Variants in IGF2BP2 observed in about 807,000 individuals in gnomAD.
IGF2BP2 encodes insulin-like growth factor 2 mRNA-binding protein 2.
A neutral mutation model predicts 75.8 loss-of-function variants in IGF2BP2; 17 were observed. The observed-to-expected ratio is 0.22, with a 90% CI of 0.15 to 0.34. The LOEUF is 0.34. Ranked by LOEUF, IGF2BP2 falls within the 10% of genes least tolerant of loss-of-function variation. The pLI is 1.00. For missense variants in IGF2BP2, 516 were observed against 772.4 expected (o/e 0.67, Z 3.93); for synonymous variants, 288 against 295.6 (o/e 0.97, Z 0.26).
At chr3:185,815,836 G>C (rs1225725040) in intron 2 of IGF2BP2, among the ~76,000 whole-genome samples, 4 of 152,086 alleles carry the variant, frequency 2.6e-5, no homozygotes, top group Non-Finnish European at 4.4e-5. Context: ...TTACAGTTGA[G>C]GGGAAATGAA....
chr3:185,691,132 C>T (rs1468179359), intron 5 of IGF2BP2, among the ~76,000 whole-genome samples: 3 of 152,094 alleles, frequency 2.0e-5, no homozygotes, highest in Non-Finnish European at 2.9e-5. Context: ...GAGTTTCGCC[C>T]TTATTGACCA....
intron 2 of IGF2BP2, among the ~76,000 whole-genome samples, chr3:185,814,479 C>T (rs993316252): frequency 1.3e-5 from 2 of 152,136 alleles, no homozygotes; most frequent in African/African-American, 2.4e-5. Flanking sequence ...AAAACACCCT[C>T]TATTTAATGA....
At chr3:185,821,632 T>TAGTAATTTTTTTTTTTACTA (rs1333373301) in intron 2 of IGF2BP2, among the ~76,000 whole-genome samples, 1 of 151,604 alleles carries the variant, frequency 6.6e-6, no homozygotes, top group Non-Finnish European at 1.5e-5. Context: ...GATAAAATTC[T>TAGTAATTTTTTTTTTTACTA]AGTAATTTTT....
At chr3:185,729,453 A>C (rs1727838738) in intron 2 of IGF2BP2, among the ~76,000 whole-genome samples, 2 of 152,204 alleles carry the variant, frequency 1.3e-5, no homozygotes, top group African/African-American at 4.8e-5. Context: ...AGAATTTTGG[A>C]ATACTTTTAT....
At chr3:185,755,344 C>T (rs6784050) in intron 2 of IGF2BP2, among the ~76,000 whole-genome samples, 40,439 of 152,098 alleles carry the variant, frequency 0.27, 6,032 homozygotes, top group African/African-American at 0.41. Flanking sequence ...AGCTTACAGG[C>T]ACAGAGAGTG....
At chr3:185,755,410 AG>A (rs1311247241) in intron 2 of IGF2BP2, among the ~76,000 whole-genome samples, 1 of 152,216 alleles carries the variant, frequency 6.6e-6, no homozygotes, top group African/African-American at 2.4e-5. Flanking sequence ...TGTACAGGAA[AG>A]CTTGTATAGG....
chr3:185,650,456 T>G (rs1714403558), intron 13 of IGF2BP2, among the ~76,000 whole-genome samples: 1 of 152,064 alleles, frequency 6.6e-6, no homozygotes, highest in African/African-American at 2.4e-5. Context: ...GTGGACAGAT[T>G]GTTTGAGGCC....
intron 2 of IGF2BP2, chr3:185,717,042 G>A (rs1725746919): frequency 3.1e-6 from 1 of 319,276 alleles, no homozygotes; most frequent in Non-Finnish European, 6.2e-6. Context: ...TATGCCCATG[G>A]AACTGGGCCT....
intron 2 of IGF2BP2, among the ~76,000 whole-genome samples, chr3:185,765,744 T>C (rs1343607623): frequency 6.6e-6 from 1 of 152,194 alleles, no homozygotes; most frequent in African/African-American, 2.4e-5. Flanking sequence ...GTCAAACTTA[T>C]CTTTGACTTT....
intron 2 of IGF2BP2, among the ~76,000 whole-genome samples, chr3:185,733,688 G>A (rs575413702): frequency 1.3e-5 from 2 of 152,210 alleles, no homozygotes; most frequent in Non-Finnish European, 1.5e-5. Flanking sequence ...CCCGGGAGGC[G>A]GAGGTTGTGG....
At chr3:185,650,392 T>G (rs1425089030) in intron 13 of IGF2BP2, among the ~76,000 whole-genome samples, 1 of 152,006 alleles carries the variant, frequency 6.6e-6, no homozygotes, top group African/African-American at 2.4e-5. Flanking sequence ...AGTATACACT[T>G]CAGTCCAGGC....
chr3:185,689,450 G>A lies in IGF2BP2; in HGVS notation c.582C>T (p.Phe194=), dbSNP rs1322797990. The change falls in exon 6 of 16, where the codon TTC becomes TTT. Residue 194 remains phenylalanine, a synonymous_variant. Coordinates refer to ENST00000382199, the MANE Select transcript of IGF2BP2 (RefSeq NM_006548.6). ...GGGTGGGGACCAGGATCCGCAGCGG[G>A]AAATCAATCTGTCTGGCCTGAGAAG... ...GGTSQARQID[F]PLRILVPTQF... The A allele has an allele frequency of 1.2e-6, 2 of 1,613,928 alleles. No individual in the cohort carries two copies. Among genetic ancestry groups the A allele is most frequent in the South Asian group, 2.2e-5 (2 of 91,070 alleles).
chr3:185,777,340 A>ACCAAAG (rs1734647174), intron 2 of IGF2BP2, among the ~76,000 whole-genome samples: 1 of 152,070 alleles, frequency 6.6e-6, no homozygotes, highest in South Asian at 2.1e-4. Context: ...CAAAACCAAA[A>ACCAAAG]CAAAACAAAA....
rs547715547 is a variant in IGF2BP2, at chr3:185,667,328, G to A, written c.1200+5213C>T. On this transcript the variant is annotated intron_variant, in intron 10 of 15. Coordinates refer to ENST00000382199, the MANE Select transcript of IGF2BP2 (RefSeq NM_006548.6). ...ACTAAAAATTAGTGTAAGAAAACAC[G>A]GGCCAGGTGCGGTAGCAAGTGCTTG... Among the ~76,000 whole-genome samples the A allele has an allele frequency of 1.5e-4, 23 of 152,208 alleles. No individual in the cohort carries two copies. In the East Asian group the frequency reaches 4.1e-3, roughly 27 times the overall value.
intron 2 of IGF2BP2, among the ~76,000 whole-genome samples, chr3:185,800,557 T>C (rs1738074557): frequency 2.6e-5 from 4 of 151,760 alleles, no homozygotes; most frequent in African/African-American, 9.7e-5. Flanking sequence ...GCCAATATGG[T>C]GAAATCCCAT....
intron 7 of IGF2BP2, among the ~76,000 whole-genome samples, chr3:185,684,715 G>C (rs1237737243): frequency 3.3e-5 from 5 of 152,022 alleles, no homozygotes; most frequent in Non-Finnish European, 5.9e-5. Context: ...CCTCACTGTA[G>C]CATTTCTTAT....
chr3:185,731,872 CTCAGGAGGCTGAG>C (rs1728235518), intron 2 of IGF2BP2, among the ~76,000 whole-genome samples: 1 of 151,986 alleles, frequency 6.6e-6, no homozygotes, highest in Non-Finnish European at 1.5e-5. Flanking sequence ...GTCCCAGCTA[CTCAGGAGGCTGAG>C]GCAGGAGAAT....
chr3:185,687,549 T>C (rs140064708), intron 6 of IGF2BP2, among the ~76,000 whole-genome samples: 3 of 152,340 alleles, frequency 2.0e-5, no homozygotes, highest in African/African-American at 7.2e-5. Flanking sequence ...ATACTGCACA[T>C]TGGCACAGTG....
At chr3:185,713,074 A>ATGTGTG (rs201252245) in intron 2 of IGF2BP2, among the ~76,000 whole-genome samples, 38 of 144,584 alleles carry the variant, frequency 2.6e-4, no homozygotes, top group African/African-American at 6.9e-4. Context: ...ACAGATATGT[A>ATGTGTG]TGTGTGTGTG....
Sources: allele counts gnomAD v4.1 joint callset (sites outside exome capture counted in the v4.1 genomes callset), GRCh38; gene constraint gnomAD v4.1.1; transcripts MANE v1.5; gene names NCBI Gene and HGNC (gene_info 2026-07-23, HGNC 2026-07-21).